Variants in CAP2 observed in about 807,000 individuals in gnomAD.
CAP2 encodes the protein adenylyl cyclase-associated protein 2.
A neutral mutation model predicts 57.7 loss-of-function variants in CAP2; 24 were observed. The ratio of observed to expected loss-of-function variants is 0.42; its 90% CI spans 0.30 to 0.58. The LOEUF (loss-of-function observed/expected upper bound fraction) is 0.58, where lower values mean the gene tolerates loss of function less well. Ranked by LOEUF, CAP2 falls within the 20% of genes least tolerant of loss-of-function variation. The pLI is 0.22. For missense variants in CAP2, 501 were observed against 590.3 expected (o/e 0.85, Z 1.57); for synonymous variants, 194 against 207.2 (o/e 0.94, Z 0.55).
intron 3 of CAP2, among the ~76,000 whole-genome samples, chr6:17,449,426 GAC>G (rs1760347546): frequency 6.6e-6 from 1 of 150,810 alleles, no homozygotes; most frequent in African/African-American, 2.4e-5. Context: ...TTTTTTTTGA[GAC>G]ACAGTTTCAT....
At chr6:17,519,159 G>A (rs1762334754) in intron 7 of CAP2, among the ~76,000 whole-genome samples, 1 of 152,098 alleles carries the variant, frequency 6.6e-6, no homozygotes, top group African/African-American at 2.4e-5. Context: ...AAGGGCACGT[G>A]GCTCTACAAA....
intron 12 of CAP2, among the ~76,000 whole-genome samples, 179 bp from the exon 13 acceptor site, chr6:17,556,180 T>C (rs1763305716): frequency 6.6e-6 from 1 of 152,166 alleles, no homozygotes; most frequent in Admixed American, 6.5e-5. Context: ...AACTGACACA[T>C]GACATACACA....
chr6:17,480,029 T>C (rs1258183173), intron 4 of CAP2, among the ~76,000 whole-genome samples: 1 of 152,082 alleles, frequency 6.6e-6, no homozygotes, highest in Non-Finnish European at 1.5e-5. Context: ...TATGGCCTCT[T>C]CAACCAGTCT....
At chr6:17,528,664 G>A (rs187582024) in intron 7 of CAP2, among the ~76,000 whole-genome samples, 153 of 152,188 alleles carry the variant, frequency 1.0e-3, no homozygotes, top group African/African-American at 3.4e-3. Context: ...TGAAGAAAAC[G>A]GATCCAAATG....
At chr6:17,493,357 TA>T in intron 4 of CAP2, 1 of 344,732 alleles carries the variant, frequency 2.9e-6, no homozygotes, top group South Asian at 2.2e-5. Flanking sequence ...AAACCAAGGC[TA>T]AAGGTTGTTT....
At chr6:17,398,007 A>G (rs1758714866) in intron 1 of CAP2, among the ~76,000 whole-genome samples, 2 of 152,170 alleles carry the variant, frequency 1.3e-5, no homozygotes, top group African/African-American at 4.8e-5. Context: ...CCAAACCAAG[A>G]TAAAATGATT....
At chr6:17,453,990 C>CCCTCCCACCTCAG (rs60848663) in intron 3 of CAP2, among the ~76,000 whole-genome samples, 2 of 149,478 alleles carry the variant, frequency 1.3e-5, no homozygotes, top group African/African-American at 2.5e-5. Flanking sequence ...GCTCAAGCAA[C>CCCTCCCACCTCAG]CCTCCCACCT....
At chr6:17,427,255 G>A (rs1759617703) in intron 3 of CAP2, among the ~76,000 whole-genome samples, 1 of 152,088 alleles carries the variant, frequency 6.6e-6, no homozygotes. Flanking sequence ...ATAAGGGAGA[G>A]GGGTAACAAG....
At chr6:17,539,509 C>CT in intron 8 of CAP2, 51 bp downstream of exon 8, 1 of 1,472,140 alleles carries the variant, frequency 6.8e-7, no homozygotes, top group Non-Finnish European at 9.3e-7. Context: ...CTCTGGCTCC[C>CT]AGACACAAAA....
chr6:17,506,088 G>T (rs1237375925), intron 4 of CAP2, among the ~76,000 whole-genome samples: 1 of 151,936 alleles, frequency 6.6e-6, no homozygotes, highest in Admixed American at 6.6e-5. Context: ...TTGTAGAAGT[G>T]GGGTCTTGCT....
intron 5 of CAP2, 92 bp downstream of exon 5, chr6:17,507,404 A>G (rs1762016463): frequency 7.5e-7 from 1 of 1,330,162 alleles, no homozygotes; most frequent in Non-Finnish European, 1.1e-6. Context: ...CGCTCCTTGC[A>G]CTGAAGGAAG....
intron 3 of CAP2, among the ~76,000 whole-genome samples, chr6:17,428,774 TA>T (rs5874606): frequency 0.015 from 2,181 of 147,084 alleles, 50 homozygotes; most frequent in African/African-American, 0.048. Context: ...TAAAGTATAA[TA>T]AAAAAAAAAA....
At position 17,551,485 on chromosome 6, in the gene CAP2, A is replaced by G. The variant is rs771906318; in HGVS notation, c.1231A>G (p.Ile411Val). 27 of 1,607,232 alleles carry G rather than the reference A, an allele frequency of 1.7e-5. No homozygotes were observed. Among genetic ancestry groups the G allele is most frequent in the Non-Finnish European group, 2.3e-5 (27 of 1,176,468 alleles). Residue 411 changes from isoleucine to valine, a missense_variant, in exon 12 of 13, where the codon ATT becomes GTT. Physicochemically the swap from Ile to Val is conservative, Grantham distance 29. Transcript: ENST00000229922. The stretch of plus-strand genomic sequence containing the variant: ...TCAGGTAATGGGGAGAGTGCCAACA[A>G]TTTCCATTAATAAGACAGAAGGTTG... ...QIQVMGRVPT[I>V]SINKTEGCHI...
At chr6:17,520,889 A>G (rs545918881) in intron 7 of CAP2, among the ~76,000 whole-genome samples, 1 of 152,346 alleles carries the variant, frequency 6.6e-6, no homozygotes, top group South Asian at 2.1e-4. Context: ...CCTTAGGGGT[A>G]TTAATCAAAG....
At chr6:17,539,245 A>G in intron 7 of CAP2, 24 bp from the exon 8 acceptor site, 2 of 1,589,572 alleles carry the variant, frequency 1.3e-6, no homozygotes, top group East Asian at 2.2e-5. Flanking sequence ...ATGCAATGCA[A>G]TGCCCTGTCT....
chr6:17,540,702 C>T (rs75270128), intron 8 of CAP2, among the ~76,000 whole-genome samples: 1 of 151,882 alleles, frequency 6.6e-6, no homozygotes, highest in Non-Finnish European at 1.5e-5. Flanking sequence ...TGCAGTGAGC[C>T]GAGATCACGC....
intron 3 of CAP2, among the ~76,000 whole-genome samples, chr6:17,443,553 C>A (rs1760152706): frequency 6.9e-6 from 1 of 144,970 alleles, no homozygotes; most frequent in Non-Finnish European, 1.5e-5. Context: ...TATTCATGCA[C>A]CCATTCCCAC....
At chr6:17,534,330 G>A (rs1207838851) in intron 7 of CAP2, among the ~76,000 whole-genome samples, 1 of 152,194 alleles carries the variant, frequency 6.6e-6, no homozygotes, top group East Asian at 1.9e-4. Context: ...TTCTCCATGT[G>A]CAGATCCAAC....
At chr6:17,441,848 G>A (rs951357950) in intron 3 of CAP2, among the ~76,000 whole-genome samples, 1 of 151,960 alleles carries the variant, frequency 6.6e-6, no homozygotes, top group East Asian at 1.9e-4. Context: ...TTTGAAATGT[G>A]TAACTGTTGA....
Sources: allele counts gnomAD v4.1 joint callset (sites outside exome capture counted in the v4.1 genomes callset), GRCh38; gene constraint gnomAD v4.1.1; transcripts MANE v1.5; gene names NCBI Gene and HGNC (gene_info 2026-07-23, HGNC 2026-07-21).